Variants in PAK1 observed in about 807,000 individuals in gnomAD.
The protein encoded by PAK1 is p21 (RAC1) activated kinase 1, also known as serine/threonine-protein kinase PAK 1.
A neutral mutation model predicts 67.4 loss-of-function variants in PAK1; 29 were observed. The ratio of observed to expected loss-of-function variants is 0.43; its 90% CI spans 0.32 to 0.59. The LOEUF is 0.59. Ranked by LOEUF, PAK1 falls within the 20% of genes least tolerant of loss-of-function variation. The pLI is 0.07. For synonymous variants in PAK1, 223 were observed against 237.4 expected (o/e 0.94, Z 0.56); for missense variants, 337 against 670.7 (o/e 0.50, Z 5.50).
At chr11:77,339,194 C>A (rs1489007124) in intron 11 of PAK1, among the ~76,000 whole-genome samples, 1 of 151,984 alleles carries the variant, frequency 6.6e-6, no homozygotes, top group Admixed American at 6.6e-5. Context: ...CCATATAGCA[C>A]CCCTAAGGTA....
chr11:77,362,061 T>C (rs558075411), intron 5 of PAK1, among the ~76,000 whole-genome samples: 97 of 152,196 alleles, frequency 6.4e-4, no homozygotes, highest in Non-Finnish European at 1.1e-3. Context: ...TAACTTCAGA[T>C]AGCATCAATT....
chr11:77,518,615 GA>G, the PAK1 span, among the ~76,000 whole-genome samples: 1 of 152,110 alleles, frequency 6.6e-6, no homozygotes, highest in African/African-American at 2.4e-5. Context: ...AGATGTGTGA[GA>G]GAGAAAATCA....
In PAK1 at chr11:77,349,421, C is replaced by T. The variant is rs1272796109; in HGVS notation, c.837-134G>A. 3 of 707,304 alleles carry T rather than the reference C, an allele frequency of 4.2e-6. No individual in the cohort carries two copies. In the Admixed American group the frequency reaches 6.3e-5, roughly 15 times the overall value. 43.8% of individuals were successfully genotyped at this position (707,304 alleles called of 1,614,324 possible). ...AGTAAAAATAATCCTCTCCCTGCAG[C>T]ATCCATTCTCACATTTAAGAAGCTA... On this transcript the variant is annotated intron_variant, in intron 8 of 14. Transcript: ENST00000356341.
chr11:77,520,004 C>CT, the PAK1 span, among the ~76,000 whole-genome samples: 19 of 151,976 alleles, frequency 1.3e-4, no homozygotes, highest in South Asian at 6.4e-4. Context: ...GGCCTGTGGC[C>CT]CCCCCCTCCG....
chr11:77,464,936 T>A (rs1480538550), intron 1 of PAK1, among the ~76,000 whole-genome samples: 2 of 152,092 alleles, frequency 1.3e-5, no homozygotes, highest in Non-Finnish European at 2.9e-5. Context: ...ATCATTAAGT[T>A]GAACCCCTGT....
the PAK1 span, among the ~76,000 whole-genome samples, chr11:77,491,726 C>T: frequency 0.061 from 9,231 of 151,656 alleles, 544 homozygotes; most frequent in East Asian, 0.2. Context: ...AAACATACCA[C>T]CAGAGAAAAT....
At chr11:77,505,588 C>T in the PAK1 span, among the ~76,000 whole-genome samples, 9 of 152,178 alleles carry the variant, frequency 5.9e-5, no homozygotes, top group African/African-American at 1.7e-4. Flanking sequence ...CCCTTGCCCT[C>T]GATAACCACC....
the PAK1 span, among the ~76,000 whole-genome samples, chr11:77,505,291 G>A: frequency 6.6e-5 from 10 of 151,846 alleles, no homozygotes; most frequent in South Asian, 4.2e-4. Context: ...GGGTTCAAGC[G>A]ATTCTCCTGC....
intron 1 of PAK1, among the ~76,000 whole-genome samples, chr11:77,443,424 T>C (rs769372493): frequency 4.7e-4 from 72 of 152,074 alleles, no homozygotes; most frequent in Non-Finnish European, 8.4e-4. Flanking sequence ...CTCAGTGAAG[T>C]CAAATGGAAA....
intron 5 of PAK1, among the ~76,000 whole-genome samples, chr11:77,365,846 G>GAAAAAA (rs71473341): frequency 3.6e-5 from 5 of 138,600 alleles, no homozygotes; most frequent in Non-Finnish European, 1.6e-5. Flanking sequence ...AAAAGAAAAA[G>GAAAAAA]AAAAAAAAAA....
At chr11:77,428,352 G>A (rs1202544852) in intron 1 of PAK1, among the ~76,000 whole-genome samples, 4 of 152,018 alleles carry the variant, frequency 2.6e-5, no homozygotes, top group South Asian at 2.1e-4. Context: ...TCACAAGGTC[G>A]GGAGATCGAG....
intron 1 of PAK1, among the ~76,000 whole-genome samples, chr11:77,443,246 C>T (rs962126316): frequency 2.0e-5 from 3 of 147,286 alleles, no homozygotes; most frequent in African/African-American, 7.6e-5. Flanking sequence ...ACCCAGGAGG[C>T]AGAGGTTGCA....
chr11:77,416,167 C>T (rs749593269), intron 1 of PAK1, among the ~76,000 whole-genome samples: 2 of 152,032 alleles, frequency 1.3e-5, no homozygotes, highest in African/African-American at 2.4e-5. Context: ...TCAGTAGAGA[C>T]GGAGTTTCAC....
At chr11:77,359,935 A>G (rs1173182204) in intron 5 of PAK1, among the ~76,000 whole-genome samples, 1 of 152,148 alleles carries the variant, frequency 6.6e-6, no homozygotes, top group East Asian at 1.9e-4. Flanking sequence ...CAACAGTTTC[A>G]GGTATTTTCA....
intron 13 of PAK1, among the ~76,000 whole-genome samples, chr11:77,333,224 G>T (rs1314407175): frequency 7.3e-6 from 1 of 137,014 alleles, no homozygotes; most frequent in Non-Finnish European, 1.5e-5. Flanking sequence ...TTGAGATGGA[G>T]TCTTGCTCTG....
At chr11:77,501,351 C>T in the PAK1 span, among the ~76,000 whole-genome samples, 1 of 152,324 alleles carries the variant, frequency 6.6e-6, no homozygotes, top group East Asian at 1.9e-4. Flanking sequence ...TCCACCCGGA[C>T]TCAGTCTCTC....
At chr11:77,415,102 C>T (rs766067254) in intron 1 of PAK1, among the ~76,000 whole-genome samples, 4 of 152,110 alleles carry the variant, frequency 2.6e-5, no homozygotes, top group Non-Finnish European at 5.9e-5. Flanking sequence ...AAGATATATG[C>T]ATGACAAATA....
chr11:77,334,769 A>T (rs1463745737), intron 13 of PAK1, among the ~76,000 whole-genome samples: 1 of 151,754 alleles, frequency 6.6e-6, no homozygotes, highest in Non-Finnish European at 1.5e-5. Context: ...CCCTCCCTTG[A>T]CTCCATTTTA....
At chr11:77,360,273 A>C (rs1946605295) in intron 5 of PAK1, among the ~76,000 whole-genome samples, 1 of 152,228 alleles carries the variant, frequency 6.6e-6, no homozygotes, top group Non-Finnish European at 1.5e-5. Context: ...AAAAACTGAC[A>C]GTGCCGGGCA....
Sources: allele counts gnomAD v4.1 joint callset (sites outside exome capture counted in the v4.1 genomes callset), GRCh38; gene constraint gnomAD v4.1.1; transcripts MANE v1.5; gene names NCBI Gene and HGNC (gene_info 2026-07-23, HGNC 2026-07-21).